NELL2: variants seen among roughly 807,000 people sequenced by gnomAD.
NELL2 encodes protein kinase C-binding protein NELL2.
A neutral mutation model predicts 109.6 loss-of-function variants in NELL2; 41 were observed. That is an observed-to-expected ratio of 0.37 (90% confidence interval 0.29 to 0.49). The LOEUF is 0.49. Ranked by LOEUF, NELL2 falls within the 20% of genes least tolerant of loss-of-function variation. The probability of loss-of-function intolerance (pLI) is 0.98; values close to 1 mark genes in which losing one functional copy is unlikely to be tolerated. For synonymous variants in NELL2, 355 were observed against 344.7 expected (o/e 1.03, Z -0.33); for missense variants, 900 against 1,008.3 (o/e 0.89, Z 1.45).
chr12:44,888,545 T>C (rs1405292504), intron 1 of NELL2, among the ~76,000 whole-genome samples: 1 of 151,764 alleles, frequency 6.6e-6, no homozygotes, highest in Non-Finnish European at 1.5e-5. Flanking sequence ...TGAATAACTG[T>C]ACATCAACAA....
intron 13 of NELL2, among the ~76,000 whole-genome samples, chr12:44,623,493 A>G (rs1226696830): frequency 1.3e-5 from 2 of 152,102 alleles, no homozygotes; most frequent in African/African-American, 2.4e-5. Context: ...ATATTTTTTT[A>G]AAGAATTTAA....
In NELL2 at chr12:44,541,427, A is replaced by G. The variant is rs1020649489; in HGVS notation, c.1664-8706T>C. On this transcript the variant is annotated intron_variant, in intron 15 of 19. Transcript: ENST00000429094. ...AATAAAAAGTTCTTGAAAATTAAATATATACTAACTGGAGCTTTAAAAAAT... is the reference window on the plus strand; with the variant it reads ...AATAAAAAGTTCTTGAAAATTAAATGTATACTAACTGGAGCTTTAAAAAAT... Among the ~76,000 whole-genome samples, 5 of 152,164 alleles carry G rather than the reference A, an allele frequency of 3.3e-5. No individual in the cohort carries two copies. In the South Asian group the frequency reaches 8.3e-4, roughly 25 times the overall value.
chr12:44,814,306 A>G (rs1228043990), intron 3 of NELL2, among the ~76,000 whole-genome samples: 1 of 152,218 alleles, frequency 6.6e-6, no homozygotes, highest in Non-Finnish European at 1.5e-5. Context: ...GTCACAGGGA[A>G]GCAAAATCTA....
At chr12:44,519,953 GCC>G in intron 19 of NELL2, 50 bp downstream of exon 19, 2 of 1,475,512 alleles carry the variant, frequency 1.4e-6, no homozygotes, top group Non-Finnish European at 9.5e-7. Flanking sequence ...TTATCTATGA[GCC>G]CTGGGTGCAG....
At chr12:44,548,158 T>C (rs534823965) in intron 15 of NELL2, among the ~76,000 whole-genome samples, 20 of 152,234 alleles carry the variant, frequency 1.3e-4, no homozygotes, top group African/African-American at 4.1e-4. Context: ...CCTCAGCAAA[T>C]AGGACTGGGA....
At chr12:44,808,271 T>C (rs1943069708) in intron 3 of NELL2, among the ~76,000 whole-genome samples, 1 of 152,058 alleles carries the variant, frequency 6.6e-6, no homozygotes, top group Non-Finnish European at 1.5e-5. Flanking sequence ...TGTGTTAAAA[T>C]GTGTATTTCT....
chr12:44,588,987 A>G lies in NELL2; in HGVS notation c.1663+18182T>C, dbSNP rs115918227. On this transcript the variant is annotated intron_variant, in intron 15 of 19. Transcript: ENST00000429094. ...AGTATGTGCCAGGCACTGGCTACTA[A>G]GTGTTTTGCATGAATTAACTCATTT... Among the ~76,000 whole-genome samples, 1,282 of 152,338 alleles carry G rather than the reference A, an allele frequency of 8.4e-3. 13 individuals carry two copies. Among genetic ancestry groups the G allele is most frequent in the African/African-American group, 0.029 (1,202 of 41,574 alleles).
rs568714543 is a variant in NELL2, at chr12:44,907,044, T to G, written c.38+6755A>C. 5.3e-5 allele frequency among the ~76,000 whole-genome samples: 8 copies of G among 152,164 alleles called. No homozygotes were observed. The South Asian group carries it at 1.0e-3, about 20-fold the overall frequency. On this transcript the variant is annotated intron_variant, in intron 1 of 20. Coordinates refer to the NELL2 transcript ENST00000333837. ...CCTGATGATAGTGAGTGAGTTCTTA[T>G]GAGAGCTAATGGTTTTATAAGGGGC...
chr12:44,590,897 C>CA (rs59621412), intron 15 of NELL2, among the ~76,000 whole-genome samples: 2,021 of 135,056 alleles, frequency 0.015, 33 homozygotes, highest in African/African-American at 0.042. Context: ...GCAGAATATA[C>CA]AAAAAAAAAA....
chr12:44,524,280 G>GGTCCC (rs1941673064), intron 16 of NELL2, among the ~76,000 whole-genome samples: 2 of 152,282 alleles, frequency 1.3e-5, no homozygotes, highest in South Asian at 4.1e-4. Context: ...GTGACCCACA[G>GGTCCC]ATCAGGTCCA....
intron 15 of NELL2, among the ~76,000 whole-genome samples, chr12:44,582,484 A>T (rs78826853): frequency 0.035 from 5,296 of 152,264 alleles, 333 homozygotes; most frequent in African/African-American, 0.12. Context: ...CCTTGAAATC[A>T]AGCTGGGTAT....
chr12:44,716,650 T>G (rs1344403179), intron 9 of NELL2, among the ~76,000 whole-genome samples: 1 of 152,120 alleles, frequency 6.6e-6, no homozygotes, highest in Non-Finnish European at 1.5e-5. Context: ...GTACTATATT[T>G]TATAAGATAA....
At chr12:44,660,862 T>A (rs1042307487) in intron 13 of NELL2, among the ~76,000 whole-genome samples, 1 of 152,164 alleles carries the variant, frequency 6.6e-6, no homozygotes, top group East Asian at 1.9e-4. Flanking sequence ...TAGACAGGCA[T>A]GAGTGGGGCA....
chr12:44,651,884 T>C (rs1371978832), intron 13 of NELL2, among the ~76,000 whole-genome samples: 3 of 152,190 alleles, frequency 2.0e-5, no homozygotes, highest in African/African-American at 4.8e-5. Context: ...AGGGGAGACC[T>C]TCTTCTAAGA....
chr12:44,655,513 C>T (rs1947468738), intron 13 of NELL2, among the ~76,000 whole-genome samples: 1 of 152,190 alleles, frequency 6.6e-6, no homozygotes, highest in Non-Finnish European at 1.5e-5. Context: ...TAATTGTATG[C>T]ATGCACATAT....
chr12:44,890,548 G>C (rs1945521789), intron 1 of NELL2, among the ~76,000 whole-genome samples: 1 of 151,912 alleles, frequency 6.6e-6, no homozygotes, highest in Non-Finnish European at 1.5e-5. Context: ...CTTCTCTATA[G>C]CTGTCTCCTT....
intron 2 of NELL2, among the ~76,000 whole-genome samples, chr12:44,857,075 T>C (rs1944705667): frequency 6.6e-6 from 1 of 152,018 alleles, no homozygotes; most frequent in Non-Finnish European, 1.5e-5. Flanking sequence ...AGAGAGCACA[T>C]AAAAAGTAAC....
rs1368997718 is a variant in NELL2 at position 44,520,064 on chromosome 12, G to T, written c.2341C>A (p.Arg781Ser). ...TTGATCCAAGAGGACCCGGTGAAGC[G>T]AACCACATTCATTTCGTCCAGGCAA... ...KTCLDEMNVV[R>S]FTGSSWIKHG... Residue 781 changes from arginine (R) to serine (S), a missense_variant, in exon 19 of 20, where the codon CGC (arginine) becomes AGC (serine). Arg to Ser is a moderately radical substitution (Grantham distance 110). Transcript: ENST00000429094. 1 of 1,613,982 alleles carries T rather than the reference G, an allele frequency of 6.2e-7. No homozygotes were observed. Among genetic ancestry groups the T allele is most frequent in the African/African-American group, 1.3e-5 (1 of 74,878 alleles).
chr12:44,519,899 GAAA>G, intron 19 of NELL2, 103 bp downstream of exon 19: 15 of 837,610 alleles, frequency 1.8e-5, no homozygotes, highest in Admixed American at 5.9e-5. Context: ...AAATAAACAG[GAAA>G]AAAAAAAAAA....
Sources: allele counts gnomAD v4.1 joint callset (sites outside exome capture counted in the v4.1 genomes callset), GRCh38; gene constraint gnomAD v4.1.1; transcripts MANE v1.5; gene names NCBI Gene and HGNC (gene_info 2026-07-23, HGNC 2026-07-21).